The following ITGB8 variants were observed in gnomAD, a reference collection of about 807,000 sequenced individuals.
ITGB8 encodes the protein integrin subunit beta 8.
In ITGB8, 30 loss-of-function variants were observed where a neutral mutation model predicts 89.5. That is an observed-to-expected ratio of 0.34 (90% CI 0.25 to 0.45). ITGB8 has a LOEUF of 0.45. Ranked by LOEUF, ITGB8 falls within the 20% of genes least tolerant of loss-of-function variation. ITGB8 has a pLI of 1.00. For missense variants in ITGB8, 836 were observed against 933.3 expected (o/e 0.90, Z 1.36); for synonymous variants, 335 against 320.4 (o/e 1.05, Z -0.49).
At chr7:20,368,595 C>T (rs1421562645) in intron 3 of ITGB8, among the ~76,000 whole-genome samples, 2 of 152,170 alleles carry the variant, frequency 1.3e-5, no homozygotes, top group Non-Finnish European at 2.9e-5. Flanking sequence ...CAATTTTCAG[C>T]AGCTTATATA....
At chr7:20,363,977 T>G (rs1169461808) in intron 2 of ITGB8, among the ~76,000 whole-genome samples, 1 of 152,228 alleles carries the variant, frequency 6.6e-6, no homozygotes, top group Non-Finnish European at 1.5e-5. Context: ...CCATGTGTTC[T>G]ATAGAGAGAA....
Position 20,406,139 on chromosome 7 carries a change from T to C in ITGB8, c.1991T>C (p.Met664Thr), listed in dbSNP as rs771042701. 3 of 1,612,260 alleles carry C rather than the reference T, an allele frequency of 1.9e-6. No individual in the cohort carries two copies. Among genetic ancestry groups the C allele is most frequent in the Non-Finnish European group, 2.5e-6 (3 of 1,178,314 alleles). The part of the protein sequence containing the change: ...LDQCKTSCAL[M>T]EQQHYVDQTS... ...CAGTGCAAAACCTCATGTGCTCTCA[T>C]GGAACAACAGCATTATGTCGACCAA... Residue 664 changes from methionine to threonine, a missense_variant, in exon 12 of 14, where the codon ATG becomes ACG. By Grantham distance (81) the Met-to-Thr change is moderately conservative (BLOSUM62 -1). Transcript: ENST00000222573.
chr7:20,397,519 C>T (rs369188045), intron 8 of ITGB8, among the ~76,000 whole-genome samples: 1 of 152,236 alleles, frequency 6.6e-6, no homozygotes, highest in African/African-American at 2.4e-5. Flanking sequence ...AGCCACCACA[C>T]CAGGCCAACT....
At position 20,399,007 on chromosome 7, in the gene ITGB8, G is replaced by C. The variant is rs185424144; in HGVS notation, c.1281+13G>C. On this transcript the variant is annotated intron_variant, in intron 9 of 13. Coordinates refer to ENST00000222573, the MANE Select transcript of ITGB8 (RefSeq NM_002214.3). ...GAGCAATGATGAAGTATGTGGGTGT[G>C]CATTTTTCCCTTTTAAAATAAACTA... 1.6e-5 allele frequency: 26 copies of C among 1,602,244 alleles called. No homozygotes were observed. The East Asian group carries it at 5.4e-4, about 33-fold the overall frequency.
At chr7:20,387,664 AG>A (rs1786682530) in intron 6 of ITGB8, among the ~76,000 whole-genome samples, 1 of 152,204 alleles carries the variant, frequency 6.6e-6, no homozygotes, top group South Asian at 2.1e-4. Context: ...TGTTGTGTTG[AG>A]ACCAGGGTGC....
intron 8 of ITGB8, 31 bp from the exon 9 acceptor site, chr7:20,398,829 C>T (rs373207528): frequency 1.0e-5 from 15 of 1,494,144 alleles, no homozygotes; most frequent in South Asian, 2.8e-5. Context: ...AAACTACTCT[C>T]GTATGTAATT....
intron 1 of ITGB8, among the ~76,000 whole-genome samples, chr7:20,335,709 T>C (rs375368826): frequency 2.0e-5 from 3 of 152,202 alleles, no homozygotes; most frequent in African/African-American, 4.8e-5. Flanking sequence ...GAGCAGGCTT[T>C]CTTTATCACC....
intron 1 of ITGB8, among the ~76,000 whole-genome samples, chr7:20,342,516 G>C (rs1003484256): frequency 6.6e-6 from 1 of 152,132 alleles, no homozygotes; most frequent in Non-Finnish European, 1.5e-5. Flanking sequence ...CACAAGACCA[G>C]GTTGTTGGAT....
chr7:20,379,534 A>C (rs929823441), intron 4 of ITGB8: 7 of 181,548 alleles, frequency 3.9e-5, no homozygotes, highest in Non-Finnish European at 7.9e-5. Flanking sequence ...ACCAAAAAAA[A>C]CAAAAAAACA....
chr7:20,345,532 C>G (rs1784896002), intron 1 of ITGB8, among the ~76,000 whole-genome samples: 1 of 151,928 alleles, frequency 6.6e-6, no homozygotes, highest in Admixed American at 6.6e-5. Context: ...GAAAAAAGAC[C>G]AGTGTTTGAG....
chr7:20,409,972 A>T lies in ITGB8; in HGVS notation c.2285A>T (p.His762Leu). Residue 762 changes from histidine (H) to leucine (L), a missense_variant, in exon 14 of 14, where the codon CAT (histidine) becomes CTT (leucine). By Grantham distance (99) the His-to-Leu change is moderately conservative. This residue lies in a region of ITGB8 where 422 missense variants were observed against 416.9 expected (regional missense o/e 1.01). Transcript: ENST00000222573. Reference protein sequence around the residue: ...IKMDISKLNAHETFRCNF With the variant: ...IKMDISKLNALETFRCNF The stretch of plus-strand genomic sequence containing the variant: ...ATGGATATCAGCAAATTAAATGCTC[A>T]TGAAACTTTCAGGTGCAACTTCTAA... 1 of 1,611,894 alleles carries T rather than the reference A, an allele frequency of 6.2e-7. No individual in the cohort carries two copies.
At chr7:20,360,347 A>ATTTTTTTTTTTTTTTTTT in intron 1 of ITGB8, among the ~76,000 whole-genome samples, 1 of 11,744 alleles carries the variant, frequency 8.5e-5, no homozygotes, top group East Asian at 0.01. Flanking sequence ...ACAGTCCTTT[A>ATTTTTTTTTTTTTTTTTT]ATTTTTTTTT....
Position 20,379,171 on chromosome 7 carries a change from G to C in ITGB8, c.509G>C (p.Gly170Ala), listed in dbSNP as rs142263323. ...AATATAGAAAAATTAAATTCCGTTG[G>C]AAACGATTTATCTAGAAAAATGGCA... ...HNNIEKLNSV[G>A]NDLSRKMAFF... The change falls in exon 4 of 14, where the codon GGA (glycine) becomes GCA (alanine). Residue 170 changes from glycine to alanine, a missense_variant. Gly to Ala is a moderately conservative substitution (Grantham distance 60). Coordinates refer to ENST00000222573, the MANE Select transcript of ITGB8 (RefSeq NM_002214.3). 272 of 1,611,680 alleles carry C rather than the reference G, an allele frequency of 1.7e-4. No homozygotes were observed. In the African/African-American group the frequency reaches 1.8e-3, roughly 11 times the overall value.
chr7:20,334,349 A>G (rs9690330), intron 1 of ITGB8, among the ~76,000 whole-genome samples: 1,891 of 152,284 alleles, frequency 0.012, 29 homozygotes, highest in African/African-American at 0.042. Context: ...TTGTTTCCAC[A>G]TTTACTTATT....
rs1045957 is a variant in ITGB8 at position 20,415,191 on chromosome 7, A to T, written c.*5194A>T. ...ATTATAAGAAAATATACATTTGCAC[A>T]TATTAATATAGAAATTCATTTTGTG... On this transcript the variant is annotated 3_prime_UTR_variant, in exon 14 of 14. Coordinates refer to ENST00000222573, the MANE Select transcript of ITGB8 (RefSeq NM_002214.3). 99,331 of 152,076 alleles carry T rather than the reference A, an allele frequency of 0.65. 33,008 individuals carry two copies. The highest frequency in any genetic ancestry group is 0.99 in the East Asian group (5,116 of 5,188). 9.4% of individuals were successfully genotyped at this position (152,076 alleles called of 1,614,324 possible).
At chr7:20,368,804 T>A (rs17365084) in intron 3 of ITGB8, among the ~76,000 whole-genome samples, 39,117 of 152,080 alleles carry the variant, frequency 0.26, 5,672 homozygotes, top group Non-Finnish European at 0.32. Flanking sequence ...TGATTTTTTT[T>A]AATTTTACTG....
At chr7:20,378,163 G>A (rs1039969243) in intron 3 of ITGB8, among the ~76,000 whole-genome samples, 1 of 152,154 alleles carries the variant, frequency 6.6e-6, no homozygotes, top group Non-Finnish European at 1.5e-5. Flanking sequence ...GAGGGTTAGG[G>A]GGGACAACCC....
In ITGB8 at chr7:20,410,825, C is replaced by A. The variant is rs946359454; in HGVS notation, c.*828C>A. The A allele has an allele frequency of 5.2e-5, 8 of 152,646 alleles. No individual in the cohort carries two copies. Among genetic ancestry groups the A allele is most frequent in the Non-Finnish European group, 1.0e-4 (7 of 68,036 alleles). The allele number at this position is 152,646 out of a possible 1,614,324, so 9.5% of individuals were successfully genotyped here. A position where few individuals can be genotyped will look rare whatever the true frequency, so the allele number is the denominator to read the frequency against. ...GGGACACTGTAAAGTATCATCAAAA[C>A]CTGAATAGCTTCATTGTGCACAAGT... On this transcript the variant is annotated 3_prime_UTR_variant, in exon 14 of 14. Coordinates refer to ENST00000222573, the MANE Select transcript of ITGB8 (RefSeq NM_002214.3).
At chr7:20,356,693 C>T (rs1302474949) in intron 1 of ITGB8, among the ~76,000 whole-genome samples, 1 of 152,172 alleles carries the variant, frequency 6.6e-6, no homozygotes, top group African/African-American at 2.4e-5. Flanking sequence ...TCAAGTACTA[C>T]AGTCTTTGTC....
Sources: allele counts gnomAD v4.1 joint callset (sites outside exome capture counted in the v4.1 genomes callset), GRCh38; gene constraint gnomAD v4.1.1; regional missense constraint gnomAD v4.1.1; transcripts MANE v1.5; gene names NCBI Gene and HGNC (gene_info 2026-07-23, HGNC 2026-07-21).